Variants in SLIT3 observed in about 807,000 individuals in gnomAD.
SLIT3 encodes the protein slit guidance ligand 3, also known as slit homolog 3 protein.
A neutral mutation model predicts 184.0 loss-of-function variants in SLIT3; 68 were observed. The ratio of observed to expected loss-of-function variants is 0.37; its 90% CI spans 0.30 to 0.45. The LOEUF (loss-of-function observed/expected upper bound fraction) is 0.45, where lower values mean the gene tolerates loss of function less well. Ranked by LOEUF, SLIT3 falls within the 20% of genes least tolerant of loss-of-function variation. The pLI, the probability that SLIT3 is intolerant of heterozygous loss-of-function variation, is 1.00. For synonymous variants in SLIT3, 831 were observed against 828.6 expected (o/e 1.00, Z -0.05); for missense variants, 1,707 against 2,026.0 (o/e 0.84, Z 3.02).
chr5:169,191,945 C>T (rs1053390459), intron 4 of SLIT3, among the ~76,000 whole-genome samples: 2 of 152,128 alleles, frequency 1.3e-5, no homozygotes, highest in Non-Finnish European at 2.9e-5. Context: ...TAAATTGATG[C>T]TTATGTCTCA....
intron 4 of SLIT3, among the ~76,000 whole-genome samples, chr5:168,925,157 TG>T (rs1257490523): frequency 2.6e-5 from 4 of 152,210 alleles, no homozygotes; most frequent in African/African-American, 4.8e-5. Context: ...TCCAACAATT[TG>T]GTAAGCATCT....
intron 7 of SLIT3, among the ~76,000 whole-genome samples, chr5:168,819,806 T>C (rs1464592236): frequency 6.6e-6 from 1 of 152,202 alleles, no homozygotes. Flanking sequence ...CTTCTTAATC[T>C]TGATACAGAT....
chr5:168,759,741 A>G (rs1561916304), intron 16 of SLIT3, among the ~76,000 whole-genome samples: 1 of 152,108 alleles, frequency 6.6e-6, no homozygotes, highest in Non-Finnish European at 1.5e-5. Flanking sequence ...AGGCACGGAG[A>G]GTCTTGACTT....
chr5:168,784,211 A>G (rs996857691), intron 12 of SLIT3, among the ~76,000 whole-genome samples: 3 of 152,228 alleles, frequency 2.0e-5, no homozygotes, highest in African/African-American at 4.8e-5. Flanking sequence ...AGGGATTAAT[A>G]GCTACAGTTA....
intron 4 of SLIT3, among the ~76,000 whole-genome samples, chr5:168,950,167 A>C (rs920267821): frequency 3.9e-5 from 6 of 152,192 alleles, no homozygotes; most frequent in Non-Finnish European, 8.8e-5. Context: ...CATGAATGAA[A>C]TTGTGCCCTT....
chr5:168,882,404 C>T (rs1324632153), intron 5 of SLIT3, among the ~76,000 whole-genome samples: 3 of 152,156 alleles, frequency 2.0e-5, no homozygotes, highest in Admixed American at 2.0e-4. Flanking sequence ...AGGAAATCGT[C>T]AAAGTTCAAA....
intron 4 of SLIT3, among the ~76,000 whole-genome samples, chr5:168,988,964 A>C (rs1755225132): frequency 6.6e-6 from 1 of 152,236 alleles, no homozygotes; most frequent in South Asian, 2.1e-4. Flanking sequence ...ACTTTCATTA[A>C]CAAATCCTGC....
intron 14 of SLIT3, among the ~76,000 whole-genome samples, chr5:168,772,027 T>G (rs1420162230): frequency 3.3e-5 from 5 of 152,190 alleles, no homozygotes; most frequent in Non-Finnish European, 7.3e-5. Flanking sequence ...ATAGTAATTT[T>G]TAACTGCCTG....
At chr5:168,885,042 C>T (rs931676035) in intron 4 of SLIT3, among the ~76,000 whole-genome samples, 4 of 152,122 alleles carry the variant, frequency 2.6e-5, no homozygotes, top group African/African-American at 9.7e-5. Context: ...TCTAAATGAA[C>T]ATTTTGCAAA....
intron 13 of SLIT3, 73 bp from the exon 14 acceptor site, chr5:168,773,017 C>T (rs752239461): frequency 4.5e-5 from 66 of 1,458,992 alleles, no homozygotes; most frequent in African/African-American, 2.4e-4. Context: ...CCCTGCCTCG[C>T]GCTGGGCCCT....
At chr5:169,078,620 T>A (rs1287327537) in intron 4 of SLIT3, among the ~76,000 whole-genome samples, 1 of 152,204 alleles carries the variant, frequency 6.6e-6, no homozygotes, top group Non-Finnish European at 1.5e-5. Flanking sequence ...TCTTTACCCT[T>A]CATCTTCATC....
At chr5:169,117,025 C>T (rs1760692481) in intron 4 of SLIT3, among the ~76,000 whole-genome samples, 1 of 152,110 alleles carries the variant, frequency 6.6e-6, no homozygotes, top group Non-Finnish European at 1.5e-5. Flanking sequence ...GGGCAGGGAG[C>T]AGGGGGCTTG....
intron 8 of SLIT3, among the ~76,000 whole-genome samples, chr5:168,813,320 A>G (rs1334605185): frequency 6.6e-6 from 1 of 152,036 alleles, no homozygotes; most frequent in Non-Finnish European, 1.5e-5. Context: ...GATGAAAAAA[A>G]AAAAAAAAAA....
intron 4 of SLIT3, among the ~76,000 whole-genome samples, chr5:169,185,900 T>C (rs564952377): frequency 6.6e-6 from 1 of 152,358 alleles, no homozygotes; most frequent in East Asian, 1.9e-4. Context: ...GTTTCAACTT[T>C]GGCTCAGCCA....
chr5:168,785,567 A>G (rs1296700975), intron 12 of SLIT3, among the ~76,000 whole-genome samples: 1 of 152,170 alleles, frequency 6.6e-6, no homozygotes, highest in Non-Finnish European at 1.5e-5. Context: ...AGTTCCTTAC[A>G]TTCTTAGCAC....
chr5:168,897,695 G>A (rs1368708039), intron 4 of SLIT3, among the ~76,000 whole-genome samples: 1 of 149,154 alleles, frequency 6.7e-6, no homozygotes, highest in Non-Finnish European at 1.5e-5. Flanking sequence ...CATACAGAAA[G>A]AGACAGGCTG....
At chr5:169,096,993 G>C (rs752097384) in intron 4 of SLIT3, among the ~76,000 whole-genome samples, 6 of 152,166 alleles carry the variant, frequency 3.9e-5, no homozygotes, top group Admixed American at 1.3e-4. Flanking sequence ...TAAGTTCCTG[G>C]GGGTTGTAAC....
At chr5:169,236,028 G>T (rs1474889004) in intron 3 of SLIT3, among the ~76,000 whole-genome samples, 1 of 152,060 alleles carries the variant, frequency 6.6e-6, no homozygotes, top group Non-Finnish European at 1.5e-5. Context: ...AGTGAGTTAG[G>T]TTCAATCTCC....
At chr5:168,893,929 G>A (rs1364705059) in intron 4 of SLIT3, among the ~76,000 whole-genome samples, 1 of 152,176 alleles carries the variant, frequency 6.6e-6, no homozygotes, top group Non-Finnish European at 1.5e-5. Context: ...GATGGGGAGT[G>A]TGCTTCTAAC....
Sources: allele counts gnomAD v4.1 joint callset (sites outside exome capture counted in the v4.1 genomes callset), GRCh38; gene constraint gnomAD v4.1.1; transcripts MANE v1.5; gene names NCBI Gene and HGNC (gene_info 2026-07-23, HGNC 2026-07-21).